Variants in EXOC4 observed in about 807,000 individuals in gnomAD.
The protein encoded by EXOC4 is exocyst complex component 4.
Under a neutral mutation model 107.2 loss-of-function variants are expected in EXOC4, and 71 were observed. That is an observed-to-expected ratio of 0.66 (90% confidence interval 0.55 to 0.81). EXOC4 has a LOEUF of 0.81. Ranked by LOEUF, EXOC4 falls within the 30% of genes least tolerant of loss-of-function variation. The pLI is 0.00. For missense variants in EXOC4, 1,108 were observed against 1,189.6 expected (o/e 0.93, Z 1.01); for synonymous variants, 456 against 441.2 (o/e 1.03, Z -0.42).
At chr7:133,414,960 C>T (rs1296262956) in intron 7 of EXOC4, among the ~76,000 whole-genome samples, 1 of 152,148 alleles carries the variant, frequency 6.6e-6, no homozygotes, top group Non-Finnish European at 1.5e-5. Context: ...TTCTCCAGCC[C>T]TAGGCAACCA....
At chr7:133,663,689 A>G (rs1368658336) in intron 10 of EXOC4, among the ~76,000 whole-genome samples, 1 of 152,082 alleles carries the variant, frequency 6.6e-6, no homozygotes, top group African/African-American at 2.4e-5. Context: ...GGCTTTTCAG[A>G]AAATATCCAG....
chr7:133,839,014 T>C (rs745534723), intron 11 of EXOC4, among the ~76,000 whole-genome samples: 12 of 152,208 alleles, frequency 7.9e-5, no homozygotes, highest in Non-Finnish European at 1.6e-4. Flanking sequence ...TTTATAATGG[T>C]GTTAGGCATA....
At chr7:133,691,630 T>A (rs1794422541) in intron 10 of EXOC4, among the ~76,000 whole-genome samples, 1 of 152,052 alleles carries the variant, frequency 6.6e-6, no homozygotes, top group Admixed American at 6.6e-5. Context: ...GAGAGACAGA[T>A]AATAAACAAG....
chr7:133,436,518 T>C (rs958452354), intron 7 of EXOC4, among the ~76,000 whole-genome samples: 1 of 151,754 alleles, frequency 6.6e-6, no homozygotes, highest in Non-Finnish European at 1.5e-5. Flanking sequence ...AAAAAAACCC[T>C]AATATTATCC....
intron 17 of EXOC4, among the ~76,000 whole-genome samples, chr7:134,022,673 A>C (rs1324832195): frequency 1.3e-5 from 2 of 152,190 alleles, no homozygotes; most frequent in African/African-American, 4.8e-5. Flanking sequence ...CTCTATGTTG[A>C]CTCACCTGGA....
chr7:133,308,406 C>T (rs1256702909), intron 4 of EXOC4, among the ~76,000 whole-genome samples: 1 of 152,128 alleles, frequency 6.6e-6, no homozygotes, highest in African/African-American at 2.4e-5. Context: ...GGAAATTTGA[C>T]ACACTTGGAG....
intron 12 of EXOC4, among the ~76,000 whole-genome samples, chr7:133,900,508 C>T (rs547559248): frequency 1.3e-5 from 2 of 152,286 alleles, no homozygotes; most frequent in African/African-American, 2.4e-5. Context: ...ACTCAAGGAA[C>T]TTTGCCTTTT....
chr7:133,428,901 T>A (rs948332751), intron 7 of EXOC4, among the ~76,000 whole-genome samples: 1 of 152,198 alleles, frequency 6.6e-6, no homozygotes, highest in African/African-American at 2.4e-5. Flanking sequence ...TGTTTTTCCC[T>A]TTTTCTCTGA....
chr7:133,255,252 C>T (rs1794989649), intron 1 of EXOC4, among the ~76,000 whole-genome samples: 1 of 152,060 alleles, frequency 6.6e-6, no homozygotes. Context: ...TCTCGGCTCA[C>T]TGCAACCTCC....
chr7:133,708,061 A>G (rs1794807802), intron 10 of EXOC4, among the ~76,000 whole-genome samples: 2 of 152,170 alleles, frequency 1.3e-5, no homozygotes, highest in South Asian at 4.1e-4. Flanking sequence ...TGAAATCTTC[A>G]AGATAGAATC....
At position 133,359,309 on chromosome 7, in the gene EXOC4, A is replaced by G. The variant is rs1404589102; in HGVS notation, c.1007+2736A>G. 2.6e-5 allele frequency among the ~76,000 whole-genome samples: 4 copies of G among 152,140 alleles called. No homozygotes were observed. The East Asian group carries it at 7.7e-4, about 29-fold the overall frequency. The stretch of plus-strand genomic sequence containing the variant: ...TGATCAGCATTGTTGCTTCTAGAGG[A>G]TTGGAATTTTAGAAGCAATATTGTC... On this transcript the variant is annotated intron_variant, in intron 6 of 17. Coordinates refer to ENST00000253861, the MANE Select transcript of EXOC4 (RefSeq NM_021807.4).
At chr7:133,846,586 A>C (rs1798131698) in intron 11 of EXOC4, among the ~76,000 whole-genome samples, 1 of 152,256 alleles carries the variant, frequency 6.6e-6, no homozygotes. Flanking sequence ...CTAGGAATTC[A>C]GGACCATTCA....
At chr7:133,896,837 G>GTTTTT (rs1554416770) in intron 12 of EXOC4, among the ~76,000 whole-genome samples, 4 of 85,636 alleles carry the variant, frequency 4.7e-5, no homozygotes, top group Non-Finnish European at 6.2e-5. Context: ...GGCTATTTTT[G>GTTTTT]TATTTTTAGT....
At chr7:133,697,954 A>T (rs1043493258) in intron 10 of EXOC4, among the ~76,000 whole-genome samples, 3 of 152,202 alleles carry the variant, frequency 2.0e-5, no homozygotes, top group African/African-American at 7.2e-5. Flanking sequence ...GACTCAGAGG[A>T]GGCTGGCTCA....
intron 11 of EXOC4, among the ~76,000 whole-genome samples, chr7:133,878,065 A>G (rs993442973): frequency 6.6e-6 from 1 of 152,182 alleles, no homozygotes; most frequent in African/African-American, 2.4e-5. Flanking sequence ...ATTTCAAGCT[A>G]TTTTATACTG....
At chr7:133,528,098 C>A (rs1800114355) in intron 9 of EXOC4, among the ~76,000 whole-genome samples, 1 of 152,108 alleles carries the variant, frequency 6.6e-6, no homozygotes, top group African/African-American at 2.4e-5. Context: ...CTATATTGTC[C>A]ATTTAATTTT....
chr7:134,075,050 T>C, the EXOC4 span, among the ~76,000 whole-genome samples: 4 of 150,956 alleles, frequency 2.6e-5, no homozygotes, highest in Non-Finnish European at 5.9e-5. Flanking sequence ...AACTCAGGAG[T>C]ATGAGGAGGA....
At chr7:134,046,894 A>G (rs1795667040) in intron 17 of EXOC4, among the ~76,000 whole-genome samples, 1 of 152,174 alleles carries the variant, frequency 6.6e-6, no homozygotes, top group African/African-American at 2.4e-5. Flanking sequence ...GTCAGGGACA[A>G]CTGGGGGCAA....
At chr7:133,503,022 A>G (rs1226470069) in intron 9 of EXOC4, among the ~76,000 whole-genome samples, 3 of 152,168 alleles carry the variant, frequency 2.0e-5, no homozygotes, top group Non-Finnish European at 4.4e-5. Context: ...TAAATAGTGT[A>G]AGACTAGTAC....
Sources: allele counts gnomAD v4.1 joint callset (sites outside exome capture counted in the v4.1 genomes callset), GRCh38; gene constraint gnomAD v4.1.1; transcripts MANE v1.5; gene names NCBI Gene and HGNC (gene_info 2026-07-23, HGNC 2026-07-21).